Variants in UBASH3B observed in about 807,000 individuals in gnomAD.
UBASH3B encodes the protein ubiquitin-associated and SH3 domain-containing protein B.
A neutral mutation model predicts 83.4 loss-of-function variants in UBASH3B; 37 were observed. The observed-to-expected ratio is 0.44, with a 90% CI of 0.34 to 0.58. The LOEUF (loss-of-function observed/expected upper bound fraction) is 0.58. UBASH3B is among the 20% of genes least tolerant of loss of function. The pLI is 0.01. For missense variants in UBASH3B, 657 were observed against 827.2 expected, an observed-to-expected ratio of 0.79 and a Z score of 2.52; for synonymous variants, 304 against 318.3, an observed-to-expected ratio of 0.96 and a Z score of 0.48.
At chr11:122,747,079 G>T (rs910873219) in intron 1 of UBASH3B, among the ~76,000 whole-genome samples, 1 of 152,212 alleles carries the variant, frequency 6.6e-6, no homozygotes, top group Non-Finnish European at 1.5e-5. Context: ...CGGGGTGGGG[G>T]TGGTCACCGG....
chr11:122,794,857 C>T, intron 7 of UBASH3B, 23 bp downstream of exon 7: 1 of 1,612,726 alleles, frequency 6.2e-7, no homozygotes, highest in Non-Finnish European at 8.5e-7. Context: ...GCTAGGGTCA[C>T]ACCCCCAACT....
At chr11:122,706,947 T>A (rs867725098) in intron 1 of UBASH3B, among the ~76,000 whole-genome samples, 4 of 152,146 alleles carry the variant, frequency 2.6e-5, no homozygotes, top group Non-Finnish European at 4.4e-5. Context: ...ATGAAATGAG[T>A]CAAGTAAAAA....
In UBASH3B at chr11:122,665,825, G is replaced by A. The variant is rs745786503; in HGVS notation, c.161+9615G>A. 6.6e-5 allele frequency among the ~76,000 whole-genome samples: 10 copies of A among 152,206 alleles called. No individual in the cohort carries two copies. The South Asian group carries it at 8.3e-4, about 13-fold the overall frequency. ...CAACCAAAGTGCTGGTTAAATAAGA[G>A]GAAGGTAGTGCCTTGAGCCCAGCAC... On this transcript the variant is annotated intron_variant, in intron 1 of 13. Transcript: ENST00000284273.
At chr11:122,744,515 A>G (rs921663116) in intron 1 of UBASH3B, among the ~76,000 whole-genome samples, 3 of 151,826 alleles carry the variant, frequency 2.0e-5, no homozygotes, top group Non-Finnish European at 4.4e-5. Flanking sequence ...GTGCCTATCT[A>G]TGAGCTCGTG....
At chr11:122,751,694 C>T (rs559842281) in intron 1 of UBASH3B, among the ~76,000 whole-genome samples, 1 of 152,348 alleles carries the variant, frequency 6.6e-6, no homozygotes, top group Admixed American at 6.5e-5. Flanking sequence ...CACACCCAGG[C>T]CTTCTGCAGT....
intron 1 of UBASH3B, among the ~76,000 whole-genome samples, chr11:122,724,579 G>A (rs529151928): frequency 5.7e-5 from 8 of 140,376 alleles, no homozygotes; most frequent in Non-Finnish European, 8.1e-5. Flanking sequence ...GGAGCGGCCA[G>A]CTGTGTGCCA....
chr11:122,715,476 A>G (rs1236390503), intron 1 of UBASH3B, among the ~76,000 whole-genome samples: 1 of 152,208 alleles, frequency 6.6e-6, no homozygotes, highest in African/African-American at 2.4e-5. Flanking sequence ...TTCTGAATCA[A>G]TAGAACCTCT....
At chr11:122,797,220 C>A in intron 9 of UBASH3B, 187 bp downstream of exon 9, 1 of 688,654 alleles carries the variant, frequency 1.5e-6, no homozygotes, top group Non-Finnish European at 2.3e-6. Flanking sequence ...GGTTGGTTGA[C>A]CAAAGTGAAT....
At chr11:122,723,578 C>T (rs1388864881) in intron 1 of UBASH3B, among the ~76,000 whole-genome samples, 2 of 152,150 alleles carry the variant, frequency 1.3e-5, no homozygotes, top group African/African-American at 2.4e-5. Context: ...AGGCAGGCCC[C>T]AGGCAAGTGT....
At chr11:122,774,144 C>A (rs1860694008) in intron 1 of UBASH3B, 2 of 985,286 alleles carry the variant, frequency 2.0e-6, no homozygotes, top group Middle Eastern at 5.2e-4. Context: ...AGCAGTTGAG[C>A]ACCTTGTCAA....
At position 122,656,146 on chromosome 11, in the gene UBASH3B, G is replaced by C. The variant is rs766062163; in HGVS notation, c.97G>C (p.Gly33Arg). ...CCGGAGGAACCGCCAACAGCGCCCC[G>C]GCACCATCAAGCATGGATCGGCGCT... Reference protein sequence around the residue: ...TPRRNRQQRPGTIKHGSALDV... With the variant: ...TPRRNRQQRPRTIKHGSALDV... Residue 33 changes from glycine (G) to arginine (R), a missense_variant, in exon 1 of 14, where the codon GGC becomes CGC. Physicochemically the swap from Gly to Arg is moderately radical, Grantham distance 125. Transcript: ENST00000284273. 20 of 1,587,760 alleles carry C rather than the reference G, an allele frequency of 1.3e-5. No individual in the cohort carries two copies. Among genetic ancestry groups the C allele is most frequent in the Non-Finnish European group, 1.5e-5 (18 of 1,168,198 alleles).
intron 5 of UBASH3B, among the ~76,000 whole-genome samples, chr11:122,784,636 A>T (rs1398928614): frequency 1.3e-5 from 2 of 152,208 alleles, no homozygotes; most frequent in African/African-American, 4.8e-5. Flanking sequence ...TAGCCTTTTA[A>T]CATCTCTTTT....
chr11:122,667,958 C>G (rs1316095029), intron 1 of UBASH3B, among the ~76,000 whole-genome samples: 1 of 152,126 alleles, frequency 6.6e-6, no homozygotes, highest in Admixed American at 6.5e-5. Flanking sequence ...GGCTACTTCT[C>G]TGAGTCCAGG....
intron 1 of UBASH3B, among the ~76,000 whole-genome samples, chr11:122,742,372 C>T (rs905171236): frequency 6.6e-6 from 1 of 152,212 alleles, no homozygotes; most frequent in Non-Finnish European, 1.5e-5. Flanking sequence ...CCAGGGCTTC[C>T]CCTGAGTCTA....
chr11:122,753,590 G>A (rs1323719821), intron 1 of UBASH3B, among the ~76,000 whole-genome samples: 7 of 147,972 alleles, frequency 4.7e-5, no homozygotes, highest in Non-Finnish European at 7.4e-5. Context: ...TCCTCCTCCC[G>A]GGTTCAAGCG....
chr11:122,717,834 A>T (rs1239175181), intron 1 of UBASH3B, among the ~76,000 whole-genome samples: 1 of 150,600 alleles, frequency 6.6e-6, no homozygotes, highest in Non-Finnish European at 1.5e-5. Flanking sequence ...CCCACCCCCC[A>T]TGACACTAGG....
At chr11:122,716,199 T>C (rs544263474) in intron 1 of UBASH3B, among the ~76,000 whole-genome samples, 1 of 152,272 alleles carries the variant, frequency 6.6e-6, no homozygotes, top group African/African-American at 2.4e-5. Flanking sequence ...TGAGACAGGG[T>C]CTCACTCTGT....
intron 1 of UBASH3B, among the ~76,000 whole-genome samples, chr11:122,699,557 C>CTTTCTTTCTTTCTTTCT (rs1864013336): frequency 7.0e-6 from 1 of 142,986 alleles, no homozygotes; most frequent in African/African-American, 2.6e-5. Flanking sequence ...TTCTTTCTTT[C>CTTTCTTTCTTTCTTTCT]TTTCTTTCTT....
intron 1 of UBASH3B, among the ~76,000 whole-genome samples, chr11:122,662,517 C>T (rs928059474): frequency 2.6e-5 from 4 of 151,692 alleles, no homozygotes; most frequent in Non-Finnish European, 2.9e-5. Flanking sequence ...ATGCAACCTC[C>T]GCCTCCCAGG....
Sources: allele counts gnomAD v4.1 joint callset (sites outside exome capture counted in the v4.1 genomes callset), GRCh38; gene constraint gnomAD v4.1.1; transcripts MANE v1.5; gene names NCBI Gene and HGNC (gene_info 2026-07-23, HGNC 2026-07-21).